Variants in PRKD1 observed in about 807,000 individuals in gnomAD.
The protein encoded by PRKD1 is protein kinase D1, also known as serine/threonine-protein kinase D1.
Under a neutral mutation model 95.9 loss-of-function variants are expected in PRKD1, and 63 were observed. The observed-to-expected ratio is 0.66, with a 90% CI of 0.54 to 0.81. The LOEUF is 0.81. PRKD1 is among the 30% of genes least tolerant of loss of function. PRKD1 has a pLI of 0.00. For synonymous variants in PRKD1, 425 were observed against 423.1 expected, an observed-to-expected ratio of 1.00 and a Z score of -0.05; for missense variants, 1,048 against 1,165.3, an observed-to-expected ratio of 0.90 and a Z score of 1.47.
At chr14:29,662,123 T>C (rs1882223254) in intron 4 of PRKD1, among the ~76,000 whole-genome samples, 1 of 152,148 alleles carries the variant, frequency 6.6e-6, no homozygotes, top group Non-Finnish European at 1.5e-5. Context: ...CCGTGTTAAA[T>C]TATACTTACA....
At chr14:29,621,482 C>T (rs1186690378) in intron 13 of PRKD1, among the ~76,000 whole-genome samples, 1 of 151,026 alleles carries the variant, frequency 6.6e-6, no homozygotes, top group Non-Finnish European at 1.5e-5. Flanking sequence ...ATTTGGGGGA[C>T]ATGATTAGTT....
chr14:29,826,708 C>CATATATAT (rs1566622439), intron 1 of PRKD1, among the ~76,000 whole-genome samples: 2 of 43,980 alleles, frequency 4.5e-5, no homozygotes, highest in African/African-American at 2.1e-4. Flanking sequence ...TACATATATA[C>CATATATAT]ACATATATAT....
chr14:29,593,001 A>G (rs1211786896), intron 16 of PRKD1, among the ~76,000 whole-genome samples: 1 of 152,194 alleles, frequency 6.6e-6, no homozygotes, highest in Non-Finnish European at 1.5e-5. Context: ...CCTTGGAGCC[A>G]GCGGACAGGA....
chr14:29,785,561 T>C lies in PRKD1; in HGVS notation c.265-59887A>G, dbSNP rs977343938. Among the ~76,000 whole-genome samples, 14 of 152,056 alleles carry C rather than the reference T, an allele frequency of 9.2e-5. No individual in the cohort carries two copies. The South Asian group carries it at 1.0e-3, about 11-fold the overall frequency. Reference sequence around the variant, plus strand: ...AATTTGGATGCTCTTTATTTCTTTTTCTTGACTGATTGTTCCGAATAAGAC... The same window carrying C: ...AATTTGGATGCTCTTTATTTCTTTTCCTTGACTGATTGTTCCGAATAAGAC... On this transcript the variant is annotated intron_variant, in intron 1 of 17. Transcript: ENST00000331968.
intron 1 of PRKD1, among the ~76,000 whole-genome samples, chr14:29,919,622 G>A (rs1895013863): frequency 6.6e-6 from 1 of 152,104 alleles, no homozygotes; most frequent in African/African-American, 2.4e-5. Context: ...TTGAATAGTT[G>A]TAAGGAAAAT....
intron 1 of PRKD1, among the ~76,000 whole-genome samples, chr14:29,730,069 A>G (rs191755288): frequency 2.0e-5 from 3 of 152,228 alleles, no homozygotes; most frequent in Non-Finnish European, 1.5e-5. Context: ...TCTGCACAGC[A>G]AAGGAAACAA....
intron 1 of PRKD1, among the ~76,000 whole-genome samples, chr14:29,778,540 G>T (rs1277642710): frequency 1.3e-5 from 2 of 152,136 alleles, no homozygotes; most frequent in African/African-American, 2.4e-5. Flanking sequence ...AAATCTAGAA[G>T]AAATAGATAA....
chr14:29,652,047 T>C (rs1210059273), intron 4 of PRKD1, among the ~76,000 whole-genome samples: 1 of 152,154 alleles, frequency 6.6e-6, no homozygotes, highest in Non-Finnish European at 1.5e-5. Flanking sequence ...TGCCTGGCCC[T>C]TTTTTTCATA....
chr14:29,808,862 T>G (rs1199136222), intron 1 of PRKD1, among the ~76,000 whole-genome samples: 2 of 152,226 alleles, frequency 1.3e-5, no homozygotes, highest in African/African-American at 4.8e-5. Flanking sequence ...ATGAAGATTC[T>G]TAATGGCATT....
At chr14:29,749,177 C>G (rs796973772) in intron 1 of PRKD1, among the ~76,000 whole-genome samples, 11 of 152,252 alleles carry the variant, frequency 7.2e-5, no homozygotes, top group African/African-American at 2.6e-4. Context: ...CACAACAGGA[C>G]TTCATTCTGC....
At chr14:29,667,837 G>A (rs1882609649) in intron 2 of PRKD1, among the ~76,000 whole-genome samples, 1 of 151,620 alleles carries the variant, frequency 6.6e-6, no homozygotes, top group African/African-American at 2.4e-5. Flanking sequence ...ATACCAAGCT[G>A]GATTCAGACA....
intron 13 of PRKD1, among the ~76,000 whole-genome samples, chr14:29,607,791 A>G (rs1878105782): frequency 1.3e-5 from 2 of 152,216 alleles, no homozygotes; most frequent in Admixed American, 6.5e-5. Context: ...CTTTAATTAT[A>G]CCTGTAAAGT....
chr14:29,609,479 G>T lies in PRKD1; in HGVS notation c.1906-9662C>A, dbSNP rs1206031349. Among the ~76,000 whole-genome samples the T allele has an allele frequency of 2.1e-5, 3 of 142,914 alleles. No individual in the cohort carries two copies. In the Admixed American group the frequency reaches 2.1e-4, roughly 10 times the overall value. 93.8% of individuals were successfully genotyped at this position (142,914 alleles called of 152,430 possible). A position where few individuals can be genotyped will look rare whatever the true frequency, so the allele number is the denominator to read the frequency against. Reference sequence around the variant, plus strand: ...TGCATAGCAAAAGAAATCACTTGAGGACTAATCTATTTGTGTGTGTGTGCG... The same window carrying T: ...TGCATAGCAAAAGAAATCACTTGAGTACTAATCTATTTGTGTGTGTGTGCG... On this transcript the variant is annotated intron_variant, in intron 13 of 17. Coordinates refer to ENST00000331968, the MANE Select transcript of PRKD1 (RefSeq NM_002742.3).
At chr14:29,756,581 C>T (rs1384696615) in intron 1 of PRKD1, among the ~76,000 whole-genome samples, 1 of 152,168 alleles carries the variant, frequency 6.6e-6, no homozygotes, top group East Asian at 1.9e-4. Context: ...CCAGAAACTG[C>T]CCAGTGTCTG....
At chr14:29,788,571 T>C (rs971141426) in intron 1 of PRKD1, among the ~76,000 whole-genome samples, 1 of 152,220 alleles carries the variant, frequency 6.6e-6, no homozygotes, top group Non-Finnish European at 1.5e-5. Flanking sequence ...TGGTTTATGG[T>C]GCCCAATATA....
intron 2 of PRKD1, among the ~76,000 whole-genome samples, chr14:29,700,099 T>C (rs1884751732): frequency 6.6e-6 from 1 of 152,102 alleles, no homozygotes; most frequent in Admixed American, 6.5e-5. Context: ...TCTTTTTTTT[T>C]TTCCCTTGCT....
chr14:29,726,667 CA>C (rs1301746566), intron 1 of PRKD1, among the ~76,000 whole-genome samples: 1 of 151,898 alleles, frequency 6.6e-6, no homozygotes, highest in Non-Finnish European at 1.5e-5. Context: ...GGGCTAAATT[CA>C]CATGAATCAT....
intron 2 of PRKD1, among the ~76,000 whole-genome samples, chr14:29,688,496 A>G (rs1884014728): frequency 6.6e-6 from 1 of 152,104 alleles, no homozygotes; most frequent in African/African-American, 2.4e-5. Context: ...TTTACCCATG[A>G]CATAGTTATA....
chr14:29,817,990 T>G (rs561564014), intron 1 of PRKD1, among the ~76,000 whole-genome samples: 13 of 152,074 alleles, frequency 8.5e-5, no homozygotes, highest in African/African-American at 2.7e-4. Context: ...GAGGTTATCA[T>G]AAACAATGAA....
Sources: allele counts gnomAD v4.1 joint callset (sites outside exome capture counted in the v4.1 genomes callset), GRCh38; gene constraint gnomAD v4.1.1; transcripts MANE v1.5; gene names NCBI Gene and HGNC (gene_info 2026-07-23, HGNC 2026-07-21).